Variants in FNIP1 observed in about 807,000 individuals in gnomAD.
FNIP1 encodes the protein folliculin-interacting protein 1.
Under a neutral mutation model 124.5 loss-of-function variants are expected in FNIP1, and 40 were observed. That is an observed-to-expected ratio of 0.32 (90% confidence interval 0.25 to 0.42). The LOEUF (loss-of-function observed/expected upper bound fraction) is 0.42, where lower values mean the gene tolerates loss of function less well. Ranked by LOEUF, FNIP1 falls within the 10% of genes least tolerant of loss-of-function variation. The probability of loss-of-function intolerance (pLI) is 1.00; values close to 1 mark genes in which losing one functional copy is unlikely to be tolerated. For missense variants in FNIP1, 1,176 were observed against 1,403.7 expected, an observed-to-expected ratio of 0.84 and a Z score of 2.59; for synonymous variants, 472 against 470.6, an observed-to-expected ratio of 1.00 and a Z score of -0.04.
rs751307772 is a variant in FNIP1, at chr5:131,647,245, G to A, written c.3307-40C>T. On this transcript the variant is annotated intron_variant, in intron 16 of 17. Coordinates refer to ENST00000510461, the MANE Select transcript of FNIP1 (RefSeq NM_133372.3). Reference sequence around the variant, plus strand: ...GAACCAAGAACCAGGTCAGAAAACAGTTTGCAACTCTCAGTCATGGCAAAC... The same window carrying A: ...GAACCAAGAACCAGGTCAGAAAACAATTTGCAACTCTCAGTCATGGCAAAC... The A allele has an allele frequency of 5.4e-6, 8 of 1,475,386 alleles. No homozygotes were observed. The South Asian group carries it at 9.1e-5, about 17-fold the overall frequency. The allele number at this position is 1,475,386 out of a possible 1,614,324, so 91.4% of individuals were successfully genotyped here. A position where few individuals can be genotyped will look rare whatever the true frequency, so the allele number is the denominator to read the frequency against.
chr5:131,728,344 A>G (rs1769960652), intron 3 of FNIP1, among the ~76,000 whole-genome samples: 1 of 152,034 alleles, frequency 6.6e-6, no homozygotes, highest in African/African-American at 2.4e-5. Context: ...ATTTTCACAT[A>G]GTCCCATATT....
chr5:131,771,808 T>C (rs553410141), intron 1 of FNIP1, among the ~76,000 whole-genome samples: 1 of 152,274 alleles, frequency 6.6e-6, no homozygotes, highest in East Asian at 1.9e-4. Flanking sequence ...TACTGTCACA[T>C]TTACCTTCCC....
intron 15 of FNIP1, among the ~76,000 whole-genome samples, chr5:131,663,084 G>A (rs1767491871): frequency 6.6e-6 from 1 of 151,968 alleles, no homozygotes; most frequent in South Asian, 2.1e-4. Context: ...CCATCTCTTT[G>A]GAGACACCTC....
At chr5:131,749,999 A>G (rs1468668865) in intron 1 of FNIP1, among the ~76,000 whole-genome samples, 2 of 152,204 alleles carry the variant, frequency 1.3e-5, no homozygotes, top group African/African-American at 4.8e-5. Context: ...AATAGAAAAC[A>G]TAAGATTTCC....
intron 2 of FNIP1, among the ~76,000 whole-genome samples, chr5:131,744,193 A>C (rs1323041877): frequency 2.6e-5 from 4 of 152,230 alleles, no homozygotes; most frequent in African/African-American, 9.6e-5. Context: ...AAAAAAAAAA[A>C]CTTCAATAAA....
chr5:131,731,238 G>T (rs1014215865), intron 2 of FNIP1, among the ~76,000 whole-genome samples, 200 bp from the exon 3 acceptor site: 1 of 152,142 alleles, frequency 6.6e-6, no homozygotes, highest in African/African-American at 2.4e-5. Context: ...AATTTGTGGG[G>T]TTTGTATTTC....
In FNIP1 at chr5:131,672,341, T is replaced by C. The variant is rs1275627462; in HGVS notation, c.2103A>G (p.Ser701=). Residue 701 remains serine, a synonymous_variant, in exon 14 of 18, where the codon TCA becomes TCG. Transcript: ENST00000510461. ...TCTCACTCTGCCATGTTTCCTCTGT[T>C]GACTCTAAGCCTGACTCTGACAATG... ...KCALSESGLE[S]TEETWQSEKL... is the part of the protein sequence containing the mutation. 3.7e-6 allele frequency: 6 copies of C among 1,614,110 alleles called. No individual in the cohort carries two copies. Among genetic ancestry groups the C allele is most frequent in the Non-Finnish European group, 4.2e-6 (5 of 1,180,040 alleles).
intron 15 of FNIP1, among the ~76,000 whole-genome samples, chr5:131,661,126 T>A (rs1256331029): frequency 6.6e-6 from 1 of 151,986 alleles, no homozygotes; most frequent in Non-Finnish European, 1.5e-5. Flanking sequence ...TCAGGAAGAT[T>A]TCAGGGAGGT....
At chr5:131,778,752 T>C (rs1771896729) in intron 1 of FNIP1, among the ~76,000 whole-genome samples, 1 of 118,212 alleles carries the variant, frequency 8.5e-6, no homozygotes, top group African/African-American at 3.4e-5. Flanking sequence ...AACCCAAATG[T>C]CCAACAATGA....
intron 11 of FNIP1, among the ~76,000 whole-genome samples, chr5:131,688,359 T>G (rs1768355558): frequency 6.6e-6 from 1 of 150,908 alleles, no homozygotes; most frequent in South Asian, 2.1e-4. Context: ...ACAGCAAACA[T>G]TAAACACATC....
At chr5:131,647,050 G>A in intron 17 of FNIP1, 40 bp downstream of exon 17, 1 of 1,551,586 alleles carries the variant, frequency 6.4e-7, no homozygotes, top group Non-Finnish European at 8.9e-7. Context: ...CTGATGACAG[G>A]GCAATGAAAG....
At chr5:131,691,117 C>T (rs962616081) in intron 11 of FNIP1, among the ~76,000 whole-genome samples, 1 of 152,210 alleles carries the variant, frequency 6.6e-6, no homozygotes, top group Non-Finnish European at 1.5e-5. Context: ...CCATAAGACA[C>T]ACCTTAGCAA....
rs557306859 is a variant in FNIP1, at chr5:131,691,660, T to C, written c.1202+7257A>G. ...AAGAGGGGTATCACTATAGATACTA[T>C]GAACGTTAAAAGGATAATTAAGGAA... On this transcript the variant is annotated intron_variant, in intron 11 of 17. Transcript: ENST00000510461. Among the ~76,000 whole-genome samples the C allele has an allele frequency of 3.9e-5, 6 of 152,260 alleles. No individual in the cohort carries two copies. In the South Asian group the frequency reaches 1.0e-3, roughly 26 times the overall value.
chr5:131,678,858 AG>A (rs1767988212), intron 12 of FNIP1, among the ~76,000 whole-genome samples, 170 bp downstream of exon 12: 1 of 152,178 alleles, frequency 6.6e-6, no homozygotes, highest in African/African-American at 2.4e-5. Flanking sequence ...TTCATTCATA[AG>A]GTTCTGTAAT....
intron 13 of FNIP1, 121 bp downstream of exon 13, chr5:131,677,582 A>C: frequency 1.1e-6 from 1 of 904,090 alleles, no homozygotes; most frequent in Non-Finnish European, 1.7e-6. Flanking sequence ...CAAGCAAAGC[A>C]GAGATGCTTT....
intron 6 of FNIP1, 38 bp downstream of exon 6, chr5:131,716,527 G>T: frequency 2.9e-6 from 4 of 1,376,212 alleles, no homozygotes; most frequent in Non-Finnish European, 3.0e-6. Flanking sequence ...TACCCTGCTA[G>T]TATTTTTTAA....
intron 5 of FNIP1, among the ~76,000 whole-genome samples, chr5:131,717,920 G>A (rs1305706878): frequency 6.6e-6 from 1 of 151,990 alleles, no homozygotes; most frequent in Non-Finnish European, 1.5e-5. Context: ...GGTGGCTCAT[G>A]CCTGTAATCC....
At chr5:131,754,655 G>A (rs769214854) in intron 1 of FNIP1, among the ~76,000 whole-genome samples, 10 of 152,236 alleles carry the variant, frequency 6.6e-5, no homozygotes, top group Non-Finnish European at 1.5e-4. Flanking sequence ...GTGCAATGAA[G>A]CAACAGGCAC....
chr5:131,788,294 T>C (rs1189750600), intron 1 of FNIP1, among the ~76,000 whole-genome samples: 1 of 151,902 alleles, frequency 6.6e-6, no homozygotes, highest in Non-Finnish European at 1.5e-5. Context: ...ATGAAAGAGG[T>C]TATCTTATGT....
Sources: allele counts gnomAD v4.1 joint callset (sites outside exome capture counted in the v4.1 genomes callset), GRCh38; gene constraint gnomAD v4.1.1; transcripts MANE v1.5; gene names NCBI Gene and HGNC (gene_info 2026-07-23, HGNC 2026-07-21).